DLGAP2: variants seen among roughly 807,000 people sequenced by gnomAD.
DLGAP2 encodes disks large-associated protein 2.
In DLGAP2, 26 loss-of-function variants were observed where a neutral mutation model predicts 100.3. The ratio of observed to expected loss-of-function variants is 0.26; its 90% CI spans 0.19 to 0.36. The LOEUF (loss-of-function observed/expected upper bound fraction) is 0.36. DLGAP2 is among the 10% of genes least tolerant of loss of function. The probability of loss-of-function intolerance (pLI) is 1.00; values close to 1 mark genes in which losing one functional copy is unlikely to be tolerated. For synonymous variants in DLGAP2, 886 were observed against 630.1 expected (o/e 1.41, Z -6.08); for missense variants, 1,858 against 1,453.2 (o/e 1.28, Z -4.53).
At chr8:1,158,117 A>T (rs181372581) in intron 2 of DLGAP2, among the ~76,000 whole-genome samples, 2 of 152,268 alleles carry the variant, frequency 1.3e-5, no homozygotes, top group Admixed American at 6.5e-5. Context: ...CTAATAGACC[A>T]TGCTGCTTCG....
intron 2 of DLGAP2, among the ~76,000 whole-genome samples, chr8:1,139,532 A>C (rs990303370): frequency 6.6e-6 from 1 of 152,112 alleles, no homozygotes; most frequent in African/African-American, 2.4e-5. Flanking sequence ...CACCCTCTCA[A>C]CCTAGTCACC....
At position 1,376,645 on chromosome 8, in the gene DLGAP2, GACC is replaced by G. The variant is rs1802395609; in HGVS notation, c.106+117763_106+117765del. ...ACGTGCCAGCTCACAGGGCTGCCAA[GACC>G]CTCACTCTGACCCCGGTGGGATGTG... is the stretch of plus-strand genomic sequence containing the variant. On this transcript the variant is annotated intron_variant, in intron 3 of 14. Transcript: ENST00000637795. Among the ~76,000 whole-genome samples the G allele has an allele frequency of 2.0e-5, 3 of 152,092 alleles. No homozygotes were observed. The East Asian group carries it at 5.8e-4, about 29-fold the overall frequency.
chr8:1,676,638 CACGCGGTGACCCCCGAGCG>C lies in DLGAP2; in HGVS notation c.2288+22_2288+40del, dbSNP rs898393571. 2 of 1,603,542 alleles carry C rather than the reference CACGCGGTGACCCCCGAGCG, an allele frequency of 1.2e-6. No homozygotes were observed. The highest frequency in any genetic ancestry group is 3.4e-5 in the Admixed American group (2 of 58,534). ...GAAGCGGTAACTCAGCCCCTCCTGA[CACGCGGTGACCCCCGAGCG>C]AGGGCTCTTTGTCAAAGGCCTGATG... is the stretch of plus-strand genomic sequence containing the variant. On this transcript the variant is annotated intron_variant, in intron 11 of 14. Coordinates refer to ENST00000637795, the MANE Select transcript of DLGAP2 (RefSeq NM_001346810.2).
At chr8:1,069,563 C>T (rs1260957634) in intron 2 of DLGAP2, among the ~76,000 whole-genome samples, 4 of 152,166 alleles carry the variant, frequency 2.6e-5, no homozygotes, top group Non-Finnish European at 5.9e-5. Flanking sequence ...AGAGTCCGAG[C>T]TTTACTGTCC....
chr8:1,234,559 T>C (rs1319781526), intron 2 of DLGAP2, among the ~76,000 whole-genome samples: 1 of 152,192 alleles, frequency 6.6e-6, no homozygotes, highest in Non-Finnish European at 1.5e-5. Context: ...AAGGTCACAT[T>C]CTGAGGTCCT....
intron 2 of DLGAP2, among the ~76,000 whole-genome samples, chr8:1,040,478 G>T (rs1464219031): frequency 7.5e-6 from 1 of 133,228 alleles, no homozygotes; most frequent in East Asian, 2.5e-4. Context: ...GTGCATGGTC[G>T]GCTCGGTTTC....
At chr8:1,295,170 C>G (rs1023255767) in intron 3 of DLGAP2, among the ~76,000 whole-genome samples, 1 of 152,186 alleles carries the variant, frequency 6.6e-6, no homozygotes, top group Non-Finnish European at 1.5e-5. Context: ...GTTCTGGCCT[C>G]CCTTGCAGCA....
intron 2 of DLGAP2, among the ~76,000 whole-genome samples, chr8:1,125,317 C>A (rs1796140053): frequency 6.6e-6 from 1 of 152,124 alleles, no homozygotes; most frequent in Non-Finnish European, 1.5e-5. Context: ...GCTTTGGAAT[C>A]GAAATTCTAC....
At chr8:1,172,417 C>G (rs11136354) in intron 2 of DLGAP2, among the ~76,000 whole-genome samples, 74,595 of 150,120 alleles carry the variant, frequency 0.5, 19,496 homozygotes, top group Admixed American at 0.61. Context: ...TTTCCTGAAT[C>G]TGAATGTTGG....
chr8:1,652,209 A>G (rs576363302), intron 8 of DLGAP2, among the ~76,000 whole-genome samples: 50 of 152,184 alleles, frequency 3.3e-4, no homozygotes, highest in Non-Finnish European at 6.0e-4. Context: ...ACGCACACCG[A>G]GGTTCTTACG....
At chr8:848,885 A>AGCG (rs1563061847) in intron 1 of DLGAP2, among the ~76,000 whole-genome samples, 2 of 127,500 alleles carry the variant, frequency 1.6e-5, no homozygotes, top group Non-Finnish European at 3.5e-5. Flanking sequence ...CTGTTCCAGC[A>AGCG]TAGGAACGCG....
At chr8:784,478 G>GT (rs1293094918) in intron 1 of DLGAP2, among the ~76,000 whole-genome samples, 1 of 152,202 alleles carries the variant, frequency 6.6e-6, no homozygotes, top group Non-Finnish European at 1.5e-5. Context: ...AATGAATACT[G>GT]TAATATTTTA....
chr8:1,162,383 G>C (rs911374580), intron 2 of DLGAP2, among the ~76,000 whole-genome samples: 1 of 152,174 alleles, frequency 6.6e-6, no homozygotes, highest in African/African-American at 2.4e-5. Context: ...AGACGTCTTA[G>C]GTAGAAGAGA....
At chr8:801,752 A>G (rs1796156491) in intron 1 of DLGAP2, among the ~76,000 whole-genome samples, 1 of 152,150 alleles carries the variant, frequency 6.6e-6, no homozygotes, top group Non-Finnish European at 1.5e-5. Context: ...TTTGATGAGA[A>G]ATAACGTTCA....
intron 3 of DLGAP2, among the ~76,000 whole-genome samples, chr8:1,277,867 C>A (rs905457017): frequency 2.0e-5 from 3 of 152,190 alleles, no homozygotes; most frequent in Non-Finnish European, 2.9e-5. Context: ...GACAGTTAGG[C>A]AGATGTGTCA....
intron 8 of DLGAP2, among the ~76,000 whole-genome samples, chr8:1,633,916 A>C (rs1797710389): frequency 6.6e-6 from 1 of 152,232 alleles, no homozygotes; most frequent in Non-Finnish European, 1.5e-5. Context: ...AACAGGAGAG[A>C]AGCAAAGAGA....
At chr8:1,556,491 T>C (rs1267020717) in intron 5 of DLGAP2, among the ~76,000 whole-genome samples, 2 of 152,210 alleles carry the variant, frequency 1.3e-5, no homozygotes, top group Non-Finnish European at 2.9e-5. Context: ...CCTAGGGCAG[T>C]GGATGCCCCA....
intron 3 of DLGAP2, among the ~76,000 whole-genome samples, chr8:1,446,731 ATGT>A (rs1290643847): frequency 6.6e-6 from 1 of 152,214 alleles, no homozygotes; most frequent in African/African-American, 2.4e-5. Context: ...TGATCATGGA[ATGT>A]TGTTTCATTT....
intron 3 of DLGAP2, among the ~76,000 whole-genome samples, chr8:1,446,466 C>G (rs1379690584): frequency 2.6e-5 from 4 of 152,076 alleles, no homozygotes; most frequent in Non-Finnish European, 4.4e-5. Flanking sequence ...TGTTTTGGTA[C>G]CAGTACCATG....
Sources: allele counts gnomAD v4.1 joint callset (sites outside exome capture counted in the v4.1 genomes callset), GRCh38; gene constraint gnomAD v4.1.1; transcripts MANE v1.5; gene names NCBI Gene and HGNC (gene_info 2026-07-23, HGNC 2026-07-21).